The following KCNMA1 variants were observed in gnomAD, a reference collection of about 807,000 sequenced individuals.
The protein encoded by KCNMA1 is potassium calcium-activated channel subfamily M alpha 1.
KCNMA1 carries 29 observed loss-of-function variants against 140.0 expected under a neutral mutation model. That is an observed-to-expected ratio of 0.21 (90% CI 0.15 to 0.28). The LOEUF is 0.28. Among genes scored for constraint, KCNMA1 ranks in the 10% least tolerant of loss-of-function variants. The pLI is 1.00. For synonymous variants in KCNMA1, 612 were observed against 611.9 expected (o/e 1.00, Z 0.00); for missense variants, 880 against 1,602.2 (o/e 0.55, Z 7.70).
At chr10:77,551,518 A>G (rs773650859) in intron 1 of KCNMA1, among the ~76,000 whole-genome samples, 37 of 152,230 alleles carry the variant, frequency 2.4e-4, no homozygotes, top group Non-Finnish European at 4.1e-4. Context: ...TGTGCCCCAC[A>G]GTTGATGCTC....
chr10:77,307,159 A>G (rs2077988781), intron 2 of KCNMA1, among the ~76,000 whole-genome samples: 1 of 152,176 alleles, frequency 6.6e-6, no homozygotes, highest in Non-Finnish European at 1.5e-5. Flanking sequence ...CAGAAGGGGC[A>G]TGGCTCCCTG....
At chr10:77,600,733 C>T (rs902810231) in intron 1 of KCNMA1, among the ~76,000 whole-genome samples, 3 of 149,992 alleles carry the variant, frequency 2.0e-5, no homozygotes, top group Admixed American at 6.7e-5. Flanking sequence ...GGTGACAGAG[C>T]GAAACTCCAT....
intron 5 of KCNMA1, among the ~76,000 whole-genome samples, chr10:77,174,885 T>C (rs1222950134): frequency 6.6e-6 from 1 of 152,138 alleles, no homozygotes; most frequent in Non-Finnish European, 1.5e-5. Context: ...CTGAGAAACA[T>C]TAAAAGAAGC....
At chr10:77,001,346 G>C in intron 19 of KCNMA1, 61 bp downstream of exon 19, 4 of 1,459,242 alleles carry the variant, frequency 2.7e-6, no homozygotes, top group Non-Finnish European at 3.8e-6. Context: ...CACAGCACAA[G>C]ACAGGGATGA....
chr10:77,241,290 T>C (rs1426682970), intron 3 of KCNMA1, among the ~76,000 whole-genome samples: 1 of 152,156 alleles, frequency 6.6e-6, no homozygotes, highest in Admixed American at 6.5e-5. Context: ...CAAAAAAGTC[T>C]AAATTTTAAC....
chr10:77,478,199 G>A (rs1164109648), intron 1 of KCNMA1, among the ~76,000 whole-genome samples: 1 of 152,188 alleles, frequency 6.6e-6, no homozygotes, highest in East Asian at 1.9e-4. Context: ...AGCATGTCAG[G>A]ATGTGGCAAA....
At chr10:77,602,203 G>A (rs1050522799) in intron 1 of KCNMA1, among the ~76,000 whole-genome samples, 3 of 152,150 alleles carry the variant, frequency 2.0e-5, no homozygotes, top group African/African-American at 4.8e-5. Context: ...GGGGAGACGG[G>A]GATGCGCTTG....
chr10:77,182,072 C>A (rs964924623), intron 5 of KCNMA1, among the ~76,000 whole-genome samples: 1 of 152,192 alleles, frequency 6.6e-6, no homozygotes, highest in Non-Finnish European at 1.5e-5. Flanking sequence ...GGATTGCTAG[C>A]GGAAGCCTAT....
intron 1 of KCNMA1, among the ~76,000 whole-genome samples, chr10:77,436,127 G>C (rs370495497): frequency 7.2e-5 from 11 of 152,194 alleles, no homozygotes; most frequent in Admixed American, 6.5e-4. Flanking sequence ...AAGACCTGCT[G>C]GGGGAAGCTT....
At chr10:77,115,519 G>A (rs138441437) in intron 6 of KCNMA1, among the ~76,000 whole-genome samples, 35 of 152,260 alleles carry the variant, frequency 2.3e-4, no homozygotes, top group African/African-American at 7.0e-4. Context: ...TCAGGGTATC[G>A]TTAAATACCA....
chr10:77,083,807 C>A (rs1232805963), intron 12 of KCNMA1, among the ~76,000 whole-genome samples: 1 of 145,008 alleles, frequency 6.9e-6, no homozygotes, highest in African/African-American at 2.6e-5. Flanking sequence ...TGCACTCCAG[C>A]CTGGGCGATA....
At chr10:76,893,273 C>T (rs896214496) in intron 25 of KCNMA1, among the ~76,000 whole-genome samples, 1 of 152,168 alleles carries the variant, frequency 6.6e-6, no homozygotes, top group African/African-American at 2.4e-5. Flanking sequence ...CACTGATAAA[C>T]ATTTTGGCCT....
At chr10:76,893,462 T>C (rs1416446681) in intron 25 of KCNMA1, among the ~76,000 whole-genome samples, 1 of 152,156 alleles carries the variant, frequency 6.6e-6, no homozygotes, top group Non-Finnish European at 1.5e-5. Context: ...CCAAGCATGG[T>C]GCACACCTGT....
intron 3 of KCNMA1, among the ~76,000 whole-genome samples, chr10:77,198,701 T>C (rs1188309763): frequency 6.6e-6 from 1 of 151,806 alleles, no homozygotes; most frequent in Non-Finnish European, 1.5e-5. Flanking sequence ...AAAAACTAGT[T>C]TCCTGTAAAC....
Position 76,891,616 on chromosome 10 carries a change from C to A in KCNMA1, c.3251G>T (p.Gly1084Val). 6.2e-7 allele frequency: 1 copy of A among 1,614,092 alleles called. No homozygotes were observed. Among genetic ancestry groups the A allele is most frequent in the South Asian group, 1.1e-5 (1 of 91,086 alleles). The stretch of plus-strand genomic sequence containing the variant: ...CAGTGTCTGCGGGGTGCTGTAGCCA[C>A]CTCTAAGGGCGTTTTCCTCAGCAAT... Reference protein sequence around the residue: ...ALIAEENALRGGYSTPQTLAN... With the variant: ...ALIAEENALRVGYSTPQTLAN... Residue 1084 changes from glycine to valine, a missense_variant, in exon 26 of 28, where the codon GGT (glycine) becomes GTT (valine). Coordinates refer to ENST00000286628, the MANE Select transcript of KCNMA1 (RefSeq NM_001161352.2).
chr10:77,038,876 G>A (rs2094491611), intron 15 of KCNMA1, among the ~76,000 whole-genome samples: 1 of 152,144 alleles, frequency 6.6e-6, no homozygotes, highest in South Asian at 2.1e-4. Context: ...GCAGACACCT[G>A]GAGCTCTTGA....
chr10:77,092,670 A>C (rs1182814474), intron 9 of KCNMA1, among the ~76,000 whole-genome samples: 1 of 152,250 alleles, frequency 6.6e-6, no homozygotes, highest in African/African-American at 2.4e-5. Flanking sequence ...AATACCACCC[A>C]GCCGGCCTCC....
At chr10:76,912,128 G>A (rs963489880) in intron 24 of KCNMA1, 2 of 152,208 alleles carry the variant, frequency 1.3e-5, no homozygotes, top group African/African-American at 4.8e-5. Flanking sequence ...CTCAGAAGGA[G>A]AGCAAGCAAT....
chr10:77,590,633 C>A (rs1307961500), intron 1 of KCNMA1, among the ~76,000 whole-genome samples: 1 of 152,246 alleles, frequency 6.6e-6, no homozygotes, highest in African/African-American at 2.4e-5. Context: ...GAAAGGGGCT[C>A]CCACAGTGCA....
Sources: allele counts gnomAD v4.1 joint callset (sites outside exome capture counted in the v4.1 genomes callset), GRCh38; gene constraint gnomAD v4.1.1; transcripts MANE v1.5; gene names NCBI Gene and HGNC (gene_info 2026-07-23, HGNC 2026-07-21).